Variants in FGD1 observed in about 807,000 individuals in gnomAD.
The protein encoded by FGD1 is FYVE, RhoGEF and PH domain-containing protein 1.
FGD1 carries 12 observed loss-of-function variants against 65.0 expected under a neutral mutation model. That is an observed-to-expected ratio of 0.18 (90% CI 0.12 to 0.30). FGD1 has a LOEUF of 0.30. Among genes scored for constraint, FGD1 ranks in the 10% least tolerant of loss-of-function variants. FGD1 has a pLI of 1.00. For missense variants in FGD1, 542 were observed against 837.6 expected (o/e 0.65, Z 4.36); for synonymous variants, 333 against 343.9 (o/e 0.97, Z 0.35).
At chrX:54,461,623 AAAAG>A (rs1922637741) in intron 8 of FGD1, among the ~76,000 whole-genome samples, 1 of 105,876 alleles carries the variant, frequency 9.4e-6, no homozygotes. Flanking sequence ...AAAAAAAAAA[AAAAG>A]AAAAAGAAAA....
chrX:54,459,972 A>G (rs934094778), intron 8 of FGD1, among the ~76,000 whole-genome samples: 27 of 88,524 alleles, frequency 3.1e-4, no homozygotes, highest in South Asian at 5.3e-4. Flanking sequence ...ACTTTCACTT[A>G]AAAAAAAAAA....
chrX:54,471,620 G>C (rs1601955821), intron 1 of FGD1, 133 bp from the exon 2 acceptor site: 2 of 621,324 alleles, frequency 3.2e-6, no homozygotes, highest in East Asian at 7.2e-5. Context: ...CCTGGCCACA[G>C]TGTTTTTCTG....
chrX:54,457,912 C>T (rs1922541458), intron 8 of FGD1, among the ~76,000 whole-genome samples: 1 of 111,845 alleles, frequency 8.9e-6, no homozygotes, highest in Non-Finnish European at 1.9e-5. Context: ...CTTTGTGTAC[C>T]CCATTCTGTA....
At chrX:54,452,176 A>C (rs1462492089) in intron 12 of FGD1, among the ~76,000 whole-genome samples, 1 of 101,372 alleles carries the variant, frequency 9.9e-6, no homozygotes. Flanking sequence ...CTGAGGCAGG[A>C]GGATCACTTG....
chrX:54,446,350 T>C lies in FGD1; in HGVS notation c.2645A>G (p.Glu882Gly). 1 of 1,210,529 alleles carries C rather than the reference T, an allele frequency of 8.3e-7. No homozygotes were observed. Among genetic ancestry groups the C allele is most frequent in the Non-Finnish European group, 1.1e-6 (1 of 894,920 alleles). ...GAAGACATGCCTTCTGTCAGGCCGC[T>C]CCCCTGCCTCGGGCGGTCCCACCTC... ...GFEVGPPEAG[E>G]RPDRRHVFKI... Residue 882 changes from glutamate to glycine, a missense_variant, in exon 18 of 18, where the codon GAG becomes GGG. Transcript: ENST00000375135.
intron 8 of FGD1, among the ~76,000 whole-genome samples, chrX:54,461,201 C>T (rs1922620557): frequency 9.0e-6 from 1 of 111,327 alleles, no homozygotes; most frequent in Admixed American, 9.7e-5. Context: ...TCAATGTGGA[C>T]ATGGGACTAG....
Position 54,470,285 on chromosome X carries a change from C to A in FGD1, c.832G>T (p.Val278Leu), listed in dbSNP as rs776282811. The change falls in exon 4 of 18, where the codon GTG (valine) becomes TTG (leucine). Residue 278 changes from valine to leucine, a missense_variant. Val to Leu is a conservative substitution (Grantham distance 32). Transcript: ENST00000375135. ...TCAATGCCGCTGTCCCGGTTGGGCA[C>A]CTTCTCACCGTCCCGGGGCCCAGGA... ...LAPGPRDGEK[V>L]PNRDSGIDSI... The A allele has an allele frequency of 2.5e-6, 3 of 1,206,310 alleles. No individual in the cohort carries two copies. The East Asian group carries it at 8.9e-5, about 36-fold the overall frequency.
chrX:54,482,691 G>T (rs1248247830), intron 1 of FGD1, among the ~76,000 whole-genome samples: 1 of 111,886 alleles, frequency 8.9e-6, no homozygotes, highest in African/African-American at 3.3e-5. Flanking sequence ...GAGGGGAAAA[G>T]ACAGATGATA....
chrX:54,467,863 T>C lies in FGD1; in HGVS notation c.1261A>G (p.Ile421Val). ...SSFPADVVHG[I>V]FSNICSIYCF... ...TAGATGGAGCAGATGTTAGAGAAGA[T>C]GCCGTGGACAACGTCGGCCGGGAAG... The change falls in exon 6 of 18, where the codon ATC becomes GTC. Residue 421 changes from isoleucine to valine, a missense_variant. Transcript: ENST00000375135. 1 of 1,172,799 alleles carries C rather than the reference T, an allele frequency of 8.5e-7. No individual in the cohort carries two copies. The highest frequency in any genetic ancestry group is 1.9e-5 in the South Asian group (1 of 53,004).
intron 17 of FGD1, 125 bp from the exon 18 acceptor site, chrX:54,446,539 A>T (rs1157937806): frequency 1.7e-6 from 1 of 605,843 alleles, no homozygotes; most frequent in Admixed American, 3.7e-5. Flanking sequence ...CTACTCAGGA[A>T]CCTTCCGTGG....
chrX:54,480,895 A>G (rs1260320004), intron 1 of FGD1, among the ~76,000 whole-genome samples: 3 of 110,200 alleles, frequency 2.7e-5, no homozygotes, highest in African/African-American at 9.9e-5. Context: ...CAGGTGATTC[A>G]CCCGCCTCGG....
In FGD1 at chrX:54,449,678, T is replaced by C. The variant is rs1393105400; in HGVS notation, c.2129A>G (p.Asp710Gly). 1.7e-6 allele frequency: 2 copies of C among 1,201,450 alleles called. No homozygotes were observed. Among genetic ancestry groups the C allele is most frequent in the East Asian group, 3.0e-5 (1 of 33,730 alleles). ...TCTTACTGGAGAGTTGGGTGGGGTG[T>C]CTTCATCTTCCCTGTTTGTTGAGTT... is the stretch of plus-strand genomic sequence containing the variant. ...LLNSTNREDEDTPPNSPNVDL... is the reference protein window; with the variant it reads ...LLNSTNREDEGTPPNSPNVDL... Residue 710 changes from aspartate to glycine, a missense_variant, in exon 14 of 18, where the codon GAC (aspartate) becomes GGC (glycine). Asp to Gly is a moderately conservative substitution (Grantham distance 94, BLOSUM62 -1). Around this residue, in one of 6 missense-constraint regions of FGD1, gnomAD observed 182 missense variants for 311.4 expected, o/e 0.58. Transcript: ENST00000375135.
At chrX:54,472,666 C>T (rs1922922795) in intron 1 of FGD1, among the ~76,000 whole-genome samples, 1 of 111,202 alleles carries the variant, frequency 9.0e-6, no homozygotes, top group Non-Finnish European at 1.9e-5. Flanking sequence ...GGGCAGGGGG[C>T]TGTGGGAGTG....
intron 16 of FGD1, among the ~76,000 whole-genome samples, chrX:54,448,457 A>ATTAC (rs1922295050): frequency 1.8e-5 from 2 of 112,081 alleles, no homozygotes; most frequent in South Asian, 7.4e-4. Context: ...AAGTGCTGGG[A>ATTAC]TTACAGGCAT....
rs1343294028 is a variant in FGD1, at chrX:54,495,438, G to A, written c.-6C>T. ...GGGGCTCGGTGGCCATGCATGGTCCGGGCCTGGGCGCGGGGCCCGAGCTCC... is the reference window on the plus strand; with the variant it reads ...GGGGCTCGGTGGCCATGCATGGTCCAGGCCTGGGCGCGGGGCCCGAGCTCC... On this transcript the variant is annotated 5_prime_UTR_variant, in exon 1 of 18. Transcript: ENST00000375135. 1 of 980,037 alleles carries A rather than the reference G, an allele frequency of 1.0e-6. No homozygotes were observed. Among genetic ancestry groups the A allele is most frequent in the Admixed American group, 5.7e-5 (1 of 17,521 alleles). The allele number at this position is 980,037 out of a possible 1,213,427, so 80.8% of individuals were successfully genotyped here.
At chrX:54,486,118 G>A (rs1406556640) in intron 1 of FGD1, among the ~76,000 whole-genome samples, 3 of 107,659 alleles carry the variant, frequency 2.8e-5, no homozygotes, top group Admixed American at 9.9e-5. Context: ...ACAGAGTCTC[G>A]CTCTGTCACC....
At chrX:54,485,402 A>G (rs976916604) in intron 1 of FGD1, among the ~76,000 whole-genome samples, 1 of 111,722 alleles carries the variant, frequency 9.0e-6, no homozygotes. Context: ...TCCTCCCTCA[A>G]TACTTTGCAA....
At chrX:54,459,513 G>C (rs1344828316) in intron 8 of FGD1, among the ~76,000 whole-genome samples, 1 of 110,598 alleles carries the variant, frequency 9.0e-6, no homozygotes, top group African/African-American at 3.3e-5. Context: ...GATTGGTCTA[G>C]GGTCCAGGCT....
At chrX:54,481,813 T>C (rs1923148514) in intron 1 of FGD1, among the ~76,000 whole-genome samples, 1 of 108,332 alleles carries the variant, frequency 9.2e-6, no homozygotes, top group Non-Finnish European at 1.9e-5. Context: ...GTGAAGCATA[T>C]ATTTGAAGTA....
Sources: allele counts gnomAD v4.1 joint callset (sites outside exome capture counted in the v4.1 genomes callset), GRCh38; gene constraint gnomAD v4.1.1; regional missense constraint gnomAD v4.1.1; transcripts MANE v1.5; gene names NCBI Gene and HGNC (gene_info 2026-07-23, HGNC 2026-07-21).